The following HMGXB3 variants were observed in gnomAD, a reference collection of about 807,000 sequenced individuals.
HMGXB3 encodes the protein HMG domain-containing protein 3.
HMGXB3 carries 45 observed loss-of-function variants against 121.5 expected under a neutral mutation model. The observed-to-expected ratio is 0.37, with a 90% CI of 0.29 to 0.47. The LOEUF is 0.47. HMGXB3 is among the 20% of genes least tolerant of loss of function. The pLI is 0.99. For missense variants in HMGXB3, 1,376 were observed against 1,602.2 expected (o/e 0.86, Z 2.41); for synonymous variants, 590 against 624.1 (o/e 0.95, Z 0.81).
In HMGXB3 at chr5:150,006,576, A is replaced by C. The variant is rs1209102425; in HGVS notation, c.241A>C (p.Arg81=). The change falls in exon 3 of 20, where the codon AGG becomes CGG. Residue 81 remains arginine, a synonymous_variant. Transcript: ENST00000502717. ...EINKKISESW[R]LLSVAERSYY... is the part of the protein sequence containing the mutation. ...CAATAAGAAGATTAGTGAGAGTTGGAGGCTTCTCAGCGTGGCCGAGAGGAG... is the reference window on the plus strand; with the variant it reads ...CAATAAGAAGATTAGTGAGAGTTGGCGGCTTCTCAGCGTGGCCGAGAGGAG... The C allele has an allele frequency of 6.4e-7, 1 of 1,552,170 alleles. No homozygotes were observed. Among genetic ancestry groups the C allele is most frequent in the East Asian group, 2.4e-5 (1 of 40,930 alleles).
In HMGXB3 at chr5:150,027,110, A is replaced by G. The variant is rs370828795; in HGVS notation, c.1727A>G (p.Glu576Gly). The change falls in exon 9 of 20, where the codon GAG (glutamate) becomes GGG (glycine). Residue 576 changes from glutamate (E) to glycine (G), a missense_variant. Transcript: ENST00000502717. ...ATTCAACAGCCATCTGGCCCTGGTG[A>G]GGTGAAGGTAAGGCCCATTTTCCAG... is the stretch of plus-strand genomic sequence containing the variant. ...QPIQQPSGPG[E>G]VKLPSGPSNR... 1.4e-5 allele frequency: 21 copies of G among 1,551,158 alleles called. No homozygotes were observed. In the African/African-American group the frequency reaches 2.9e-4, roughly 21 times the overall value.
At position 150,052,198 on chromosome 5, in the gene HMGXB3, G is replaced by T; in HGVS notation, c.*6G>T. 1 of 1,535,412 alleles carries T rather than the reference G, an allele frequency of 6.5e-7. No individual in the cohort carries two copies. On this transcript the variant is annotated 3_prime_UTR_variant, in exon 20 of 20. Transcript: ENST00000502717. Reference sequence around the variant, plus strand: ...TGGCCGCAGTGGCAGAATAAGCCAGGCTGTTGTACAGGGACTACACCATCT... The same window carrying T: ...TGGCCGCAGTGGCAGAATAAGCCAGTCTGTTGTACAGGGACTACACCATCT...
Position 150,011,609 on chromosome 5 carries a change from T to G in HMGXB3, c.811-646T>G, listed in dbSNP as rs533596299. On this transcript the variant is annotated intron_variant, in intron 4 of 19. Transcript: ENST00000502717. ...TTGTTGGTTGTTTTTTTTTGGTTTTTTTTTTTTTTTTTGAGACGGAGTTTT... is the reference window on the plus strand; with the variant it reads ...TTGTTGGTTGTTTTTTTTTGGTTTTGTTTTTTTTTTTTGAGACGGAGTTTT... Among the ~76,000 whole-genome samples the G allele has an allele frequency of 1.9e-3, 286 of 149,682 alleles. 5 individuals are homozygous for G. The highest frequency in any genetic ancestry group is 6.9e-3 in the African/African-American group (277 of 40,224).
chr5:150,040,054 T>C (rs1186357228), intron 13 of HMGXB3, among the ~76,000 whole-genome samples: 4 of 152,234 alleles, frequency 2.6e-5, no homozygotes, highest in Non-Finnish European at 5.9e-5. Context: ...CTCCTGGCCT[T>C]TCCCCAGGTG....
chr5:150,047,598 C>G lies in HMGXB3; in HGVS notation c.2951-26C>G, dbSNP rs1188367819. The G allele has an allele frequency of 4.5e-6, 7 of 1,551,042 alleles. No homozygotes were observed. In the Admixed American group the frequency reaches 7.8e-5, roughly 17 times the overall value. ...CTCTGGTGACTGGCGGCAGCACCCT[C>G]CCACCAGCACTGTTGTCTCTTGCAG... is the stretch of plus-strand genomic sequence containing the variant. On this transcript the variant is annotated intron_variant, in intron 16 of 19. Transcript: ENST00000502717.
intron 2 of HMGXB3, among the ~76,000 whole-genome samples, chr5:150,005,301 T>TA (rs559053777): frequency 9.7e-4 from 148 of 152,282 alleles, no homozygotes; most frequent in African/African-American, 3.3e-3. Context: ...TTAATAAAAT[T>TA]ACAAAATTAG....
At chr5:150,028,103 T>C (rs908141618) in intron 9 of HMGXB3, among the ~76,000 whole-genome samples, 3 of 152,078 alleles carry the variant, frequency 2.0e-5, no homozygotes, top group African/African-American at 7.2e-5. Flanking sequence ...TCAGTCAACA[T>C]ACACAAGATG....
In HMGXB3 at chr5:150,050,496, C is replaced by T. The variant is rs549271556; in HGVS notation, c.3411+35C>T. On this transcript the variant is annotated intron_variant, in intron 19 of 19. Coordinates refer to ENST00000502717, the MANE Select transcript of HMGXB3 (RefSeq NM_014983.3). ...CTCCTGAGGAACTGCCATGTCTCCT[C>T]AAGCCTACCATGTCTTGCTCTGTCA... 74 of 1,476,594 alleles carry T rather than the reference C, an allele frequency of 5.0e-5. 2 individuals carry two copies. In the East Asian group the frequency reaches 1.7e-3, roughly 35 times the overall value. 91.5% of individuals were successfully genotyped at this position (1,476,594 alleles called of 1,614,324 possible). A position where few individuals can be genotyped will look rare whatever the true frequency, so the allele number is the denominator to read the frequency against.
At chr5:150,006,831 G>A (rs1241590071) in intron 3 of HMGXB3, among the ~76,000 whole-genome samples, 184 bp downstream of exon 3, 1 of 152,114 alleles carries the variant, frequency 6.6e-6, no homozygotes, top group Non-Finnish European at 1.5e-5. Context: ...GTCCTCTTCG[G>A]TTGCAGCAAT....
intron 5 of HMGXB3, among the ~76,000 whole-genome samples, chr5:150,015,623 A>G (rs1755942391): frequency 1.3e-5 from 2 of 152,222 alleles, no homozygotes; most frequent in Non-Finnish European, 2.9e-5. Context: ...GCTTACTGCT[A>G]TGAATTTCCC....
At chr5:150,051,104 C>A (rs1003488595) in intron 19 of HMGXB3, among the ~76,000 whole-genome samples, 13 of 152,292 alleles carry the variant, frequency 8.5e-5, no homozygotes, top group East Asian at 3.9e-4. Context: ...AGCTAAGGCC[C>A]AGAGGAGGAA....
intron 9 of HMGXB3, among the ~76,000 whole-genome samples, chr5:150,028,557 ATATTTTTTT>A (rs1756298232): frequency 7.8e-5 from 5 of 64,474 alleles, no homozygotes; most frequent in African/African-American, 2.0e-4. Flanking sequence ...ATATATATAT[ATATTTTTTT>A]TTTTTTTTTT....
intron 6 of HMGXB3, among the ~76,000 whole-genome samples, chr5:150,020,614 A>G (rs1756067218): frequency 6.6e-6 from 1 of 151,200 alleles, no homozygotes; most frequent in African/African-American, 2.4e-5. Context: ...TTTGGGACAG[A>G]GTCTCTTGCT....
intron 4 of HMGXB3, among the ~76,000 whole-genome samples, chr5:150,011,039 T>C (rs1755819537): frequency 6.6e-6 from 1 of 152,226 alleles, no homozygotes; most frequent in Non-Finnish European, 1.5e-5. Context: ...GCAGTCCTCC[T>C]GCCTCAGCCT....
intron 13 of HMGXB3, among the ~76,000 whole-genome samples, chr5:150,039,692 A>C (rs1281605751): frequency 6.6e-6 from 1 of 151,950 alleles, no homozygotes; most frequent in East Asian, 1.9e-4. Context: ...TTTTACCTCT[A>C]GCCTGTCAGA....
At chr5:150,017,982 T>C (rs1755996632) in intron 5 of HMGXB3, among the ~76,000 whole-genome samples, 1 of 152,254 alleles carries the variant, frequency 6.6e-6, no homozygotes, top group African/African-American at 2.4e-5. Context: ...GCCTGGCTTA[T>C]AGTCCTGAAC....
At position 150,051,816 on chromosome 5, in the gene HMGXB3, C is replaced by A; in HGVS notation, c.3503C>A (p.Ala1168Asp). ...HSIQHPVTKT[A>D]TRRIVHAGLQ... is the part of the protein sequence containing the mutation. ...ATCCAGCACCCAGTCACCAAGACTG[C>A]CACGCGGCGCATCGTCCATGCAGGC... The change falls in exon 20 of 20, where the codon GCC becomes GAC. Residue 1168 changes from alanine to aspartate, a missense_variant. By Grantham distance (126) the Ala-to-Asp change is moderately radical (BLOSUM62 -2). Transcript: ENST00000502717. 3 of 1,548,798 alleles carry A rather than the reference C, an allele frequency of 1.9e-6. No homozygotes were observed. Among genetic ancestry groups the A allele is most frequent in the Non-Finnish European group, 1.7e-6 (2 of 1,147,078 alleles).
intron 15 of HMGXB3, among the ~76,000 whole-genome samples, chr5:150,043,580 TTTTG>T (rs1756687931): frequency 6.6e-6 from 1 of 152,232 alleles, no homozygotes; most frequent in African/African-American, 2.4e-5. Flanking sequence ...AACTAAACCA[TTTTG>T]TTTGTGTTAT....
intron 15 of HMGXB3, among the ~76,000 whole-genome samples, chr5:150,042,822 T>TTTA (rs1449796811): frequency 1.3e-5 from 2 of 152,300 alleles, no homozygotes; most frequent in Admixed American, 6.5e-5. Flanking sequence ...ATAGATTAAT[T>TTTA]AGAACAAATA....
Sources: allele counts gnomAD v4.1 joint callset (sites outside exome capture counted in the v4.1 genomes callset), GRCh38; gene constraint gnomAD v4.1.1; transcripts MANE v1.5; gene names NCBI Gene and HGNC (gene_info 2026-07-23, HGNC 2026-07-21).